The following NEDD4L variants were observed in gnomAD, a reference collection of about 807,000 sequenced individuals.
The protein encoded by NEDD4L is NEDD4 like E3 ubiquitin protein ligase.
Under a neutral mutation model 148.9 loss-of-function variants are expected in NEDD4L, and 54 were observed. That is an observed-to-expected ratio of 0.36 (90% confidence interval 0.29 to 0.45). The LOEUF (loss-of-function observed/expected upper bound fraction) is 0.45. Ranked by LOEUF, NEDD4L falls within the 20% of genes least tolerant of loss-of-function variation. NEDD4L has a pLI of 1.00. For synonymous variants in NEDD4L, 433 were observed against 440.7 expected (o/e 0.98, Z 0.22); for missense variants, 856 against 1,233.8 (o/e 0.69, Z 4.59).
rs182029920 is a variant in NEDD4L, at chr18:58,341,614, G to A, written c.1258-64G>A. 254 of 1,555,808 alleles carry A rather than the reference G, an allele frequency of 1.6e-4. 1 individual carries two copies. The Middle Eastern group carries it at 1.8e-3, about 11-fold the overall frequency. On this transcript the variant is annotated intron_variant, in intron 14 of 30. Coordinates refer to ENST00000400345, the MANE Select transcript of NEDD4L (RefSeq NM_001144967.3). ...TGTTTGCGTTGTTGTTTGGGTTCGCGCTCCTAATCACACACACCGGGAGAT... is the reference window on the plus strand; with the variant it reads ...TGTTTGCGTTGTTGTTTGGGTTCGCACTCCTAATCACACACACCGGGAGAT...
intron 2 of NEDD4L, among the ~76,000 whole-genome samples, chr18:58,219,108 A>G (rs541048029): frequency 1.1e-3 from 162 of 152,220 alleles, no homozygotes; most frequent in Non-Finnish European, 1.6e-3. Flanking sequence ...ACTATTTTCC[A>G]GTTACATTTT....
At chr18:58,379,992 G>A (rs180898425) in intron 24 of NEDD4L, among the ~76,000 whole-genome samples, 9 of 151,934 alleles carry the variant, frequency 5.9e-5, no homozygotes, top group African/African-American at 1.7e-4. Flanking sequence ...GAGACTTGAC[G>A]GCTGCCCACA....
At chr18:58,251,724 G>A (rs2047966889) in intron 4 of NEDD4L, among the ~76,000 whole-genome samples, 3 of 152,154 alleles carry the variant, frequency 2.0e-5, no homozygotes, top group South Asian at 4.1e-4. Context: ...TTAGGAACCC[G>A]TCAAAGCTAT....
intron 20 of NEDD4L, among the ~76,000 whole-genome samples, chr18:58,365,164 G>A (rs2045954513): frequency 6.6e-6 from 1 of 152,152 alleles, no homozygotes; most frequent in South Asian, 2.1e-4. Flanking sequence ...AGGGGTTTTG[G>A]TCTCTGTTCC....
intron 10 of NEDD4L, among the ~76,000 whole-genome samples, chr18:58,330,129 G>A (rs1331791903): frequency 6.6e-6 from 1 of 152,106 alleles, no homozygotes; most frequent in African/African-American, 2.4e-5. Context: ...CTCTGTTTAT[G>A]TACTAAAAAT....
chr18:58,050,392 C>A (rs576307785), intron 1 of NEDD4L, among the ~76,000 whole-genome samples: 17 of 152,104 alleles, frequency 1.1e-4, no homozygotes, highest in Admixed American at 3.3e-4. Flanking sequence ...ATAGCTTGAA[C>A]CCTGAAGGCA....
At chr18:58,110,451 C>T (rs753077834) in intron 1 of NEDD4L, among the ~76,000 whole-genome samples, 13 of 152,222 alleles carry the variant, frequency 8.5e-5, no homozygotes, top group Non-Finnish European at 1.8e-4. Flanking sequence ...ATGTGACAAC[C>T]TGTGACTAAT....
intron 1 of NEDD4L, among the ~76,000 whole-genome samples, chr18:58,092,503 G>T (rs1262047574): frequency 6.6e-6 from 1 of 152,138 alleles, no homozygotes; most frequent in Non-Finnish European, 1.5e-5. Flanking sequence ...AGGAGCACTA[G>T]GCAGGGCATT....
intron 5 of NEDD4L, among the ~76,000 whole-genome samples, chr18:58,259,199 T>C (rs2049014650): frequency 6.6e-6 from 1 of 152,186 alleles, no homozygotes; most frequent in South Asian, 2.1e-4. Context: ...AAATCTAAAA[T>C]GTAACATGAC....
intron 1 of NEDD4L, among the ~76,000 whole-genome samples, chr18:58,088,258 G>A (rs1013416102): frequency 2.0e-5 from 3 of 152,208 alleles, no homozygotes; most frequent in African/African-American, 7.2e-5. Context: ...TATCCTGTGG[G>A]TTACACGTCA....
intron 2 of NEDD4L, among the ~76,000 whole-genome samples, chr18:58,236,217 C>T (rs2045997939): frequency 6.7e-6 from 1 of 148,350 alleles, no homozygotes; most frequent in Non-Finnish European, 1.5e-5. Flanking sequence ...ATTAGCCAGG[C>T]ATGGTGGTGT....
chr18:58,162,628 T>A (rs1599246501), intron 1 of NEDD4L, among the ~76,000 whole-genome samples: 1 of 149,218 alleles, frequency 6.7e-6, no homozygotes, highest in East Asian at 1.9e-4. Flanking sequence ...TACTAGATGG[T>A]GGGTTGCTTG....
chr18:58,159,636 T>C (rs1211378414), intron 1 of NEDD4L, among the ~76,000 whole-genome samples: 1 of 152,182 alleles, frequency 6.6e-6, no homozygotes, highest in African/African-American at 2.4e-5. Context: ...TGACTGTGGC[T>C]GCTGTGTAGC....
chr18:58,173,602 A>G (rs1035826812), intron 2 of NEDD4L, among the ~76,000 whole-genome samples: 1 of 152,186 alleles, frequency 6.6e-6, no homozygotes, highest in Non-Finnish European at 1.5e-5. Flanking sequence ...CCCTTTACCT[A>G]GGTTTAAGTT....
At chr18:58,218,257 A>G (rs1022639731) in intron 2 of NEDD4L, among the ~76,000 whole-genome samples, 1 of 152,184 alleles carries the variant, frequency 6.6e-6, no homozygotes, top group Non-Finnish European at 1.5e-5. Context: ...CACACCCTAA[A>G]AACTGCCCAG....
At chr18:58,369,332 G>A (rs1322984575) in intron 22 of NEDD4L, among the ~76,000 whole-genome samples, 2 of 152,204 alleles carry the variant, frequency 1.3e-5, no homozygotes, top group Non-Finnish European at 2.9e-5. Flanking sequence ...AAGTGACCCC[G>A]ACAAGAGTGA....
Position 58,266,874 on chromosome 18 carries a change from A to G in NEDD4L, c.297+14820A>G, listed in dbSNP as rs540143984. 3.3e-5 allele frequency among the ~76,000 whole-genome samples: 5 copies of G among 152,174 alleles called. No homozygotes were observed. The East Asian group carries it at 5.8e-4, about 18-fold the overall frequency. On this transcript the variant is annotated intron_variant, in intron 5 of 30. Coordinates refer to ENST00000400345, the MANE Select transcript of NEDD4L (RefSeq NM_001144967.3). The stretch of plus-strand genomic sequence containing the variant: ...CAGATAAAGTTACAAATCTAAGCAG[A>G]CACCTTATTAAGAGATCATTATTCT...
At chr18:58,045,445 T>C (rs2081533145) in intron 1 of NEDD4L, 1 of 269,084 alleles carries the variant, frequency 3.7e-6, no homozygotes, top group African/African-American at 2.2e-5. Context: ...TGATCTCTTT[T>C]ATTAATAAAG....
At chr18:58,251,113 C>G (rs547926372) in intron 4 of NEDD4L, among the ~76,000 whole-genome samples, 23 of 152,240 alleles carry the variant, frequency 1.5e-4, no homozygotes, top group African/African-American at 5.3e-4. Flanking sequence ...CTTCACTGAA[C>G]CTCAGGGTCT....
Sources: allele counts gnomAD v4.1 joint callset (sites outside exome capture counted in the v4.1 genomes callset), GRCh38; gene constraint gnomAD v4.1.1; transcripts MANE v1.5; gene names NCBI Gene and HGNC (gene_info 2026-07-23, HGNC 2026-07-21).